Variants in PDLIM2 observed in about 807,000 individuals in gnomAD.
PDLIM2 encodes PDZ and LIM domain 2.
A neutral mutation model predicts 54.1 loss-of-function variants in PDLIM2; 51 were observed. The observed-to-expected ratio is 0.94, with a 90% CI of 0.75 to 1.19. PDLIM2 has a LOEUF of 1.19. Among genes scored for constraint, PDLIM2 ranks in the 50% most tolerant of loss-of-function variants. The pLI is 0.00. For missense variants in PDLIM2, 912 were observed against 874.0 expected, an observed-to-expected ratio of 1.04 and a Z score of -0.55; for synonymous variants, 398 against 385.6, an observed-to-expected ratio of 1.03 and a Z score of -0.38.
At chr8:22,584,075 C>T (rs1453476568) in intron 3 of PDLIM2, among the ~76,000 whole-genome samples, 1 of 151,882 alleles carries the variant, frequency 6.6e-6, no homozygotes, top group Non-Finnish European at 1.5e-5. Flanking sequence ...AATTTTGGCT[C>T]ACTGTAACCT....
chr8:22,579,172 C>A (rs1248636862), exon 1 of PDLIM2: 1 of 1,362,120 alleles, frequency 7.3e-7, no homozygotes, highest in South Asian at 1.8e-5. Flanking sequence ...GTCTCCCCGC[C>A]TTCCCTCCCT....
chr8:22,581,585 C>G, intron 3 of PDLIM2, 55 bp downstream of exon 2: 1 of 1,517,992 alleles, frequency 6.6e-7, no homozygotes, highest in East Asian at 2.3e-5. Context: ...CACCACCCCA[C>G]GTATTGAGCA....
downstream of PDLIM2, chr8:22,594,746 A>T (rs58580064): frequency 7.2e-3 from 10,765 of 1,488,758 alleles, 437 homozygotes; most frequent in African/African-American, 0.092. Flanking sequence ...CCTGGGAGAG[A>T]CTGCTGGCTT....
chr8:22,597,082 C>T (rs989280592), downstream of PDLIM2: 1 of 152,268 alleles, frequency 6.6e-6, no homozygotes, highest in South Asian at 2.1e-4. Flanking sequence ...TGCTTCCTCC[C>T]ACGGGTACTA....
intron 6 of PDLIM2, 73 bp downstream of exon 5, chr8:22,585,472 G>A (rs1563865907): frequency 1.3e-5 from 19 of 1,451,722 alleles, no homozygotes; most frequent in Admixed American, 8.0e-5. Flanking sequence ...CCAGTGCCCC[G>A]GGACTGCAGG....
exon 5 of PDLIM2, chr8:22,585,018 G>A: frequency 6.2e-7 from 1 of 1,613,762 alleles, no homozygotes. Flanking sequence ...TCTCCACAGG[G>A]CTCCGTGAGG....
At chr8:22,588,224 C>T (rs1276143062) in intron 6 of PDLIM2, 1 of 152,214 alleles carries the variant, frequency 6.6e-6, no homozygotes, top group South Asian at 2.1e-4. Flanking sequence ...ACTGGAGAAC[C>T]CTGAGAGCAG....
exon 10 of PDLIM2, chr8:22,593,744 T>C (rs1458120413): frequency 1.3e-6 from 2 of 1,589,930 alleles, no homozygotes; most frequent in Non-Finnish European, 1.7e-6. Flanking sequence ...AACCAGGCTG[T>C]GCGCATCCAG....
chr8:22,591,519 T>C (rs183105954), intron 8 of PDLIM2, 32 bp from the exon 8 acceptor site: 3 of 1,583,030 alleles, frequency 1.9e-6, no homozygotes, highest in Admixed American at 3.3e-5. Context: ...GTTGGTGGGC[T>C]CTCACCACAT....
At chr8:22,595,372 C>T (rs1800664597), downstream of PDLIM2, 1 of 152,212 alleles carries the variant, frequency 6.6e-6, no homozygotes, top group Non-Finnish European at 1.5e-5. Context: ...TGGTCAGAAA[C>T]GGGGTAGTCT....
At chr8:22,579,171 C>T (rs1196910478) in exon 1 of PDLIM2, 26 of 1,360,796 alleles carry the variant, frequency 1.9e-5, no homozygotes, top group Non-Finnish European at 2.4e-5. Context: ...CGTCTCCCCG[C>T]CTTCCCTCCC....
chr8:22,584,805 T>G lies in PDLIM2; in HGVS notation c.996-16T>G. 1 of 1,613,668 alleles carries G rather than the reference T, an allele frequency of 6.2e-7. No homozygotes were observed. Among genetic ancestry groups the G allele is most frequent in the Non-Finnish European group, 8.5e-7 (1 of 1,179,580 alleles). ...CAGGGCCCCTGTGACATTCCCTCCC[T>G]CTGTTGCCTTCTCAGGTCTCAGGCT... On this transcript the variant is annotated splice_polypyrimidine_tract_variant and intron_variant, in intron 3 of 9. Transcript: ENST00000308354.
In PDLIM2 at chr8:22,594,279, A is replaced by G; in HGVS notation, c.*369A>G. On this transcript the variant is annotated 3_prime_UTR_variant, in exon 10 of 10. Coordinates refer to ENST00000308354, the Ensembl canonical transcript of PDLIM2. ...TTTGACATACTAGCTCTATAAATAT[A>G]TGAATATGGACAAAATAAAGTAGAT... The G allele has an allele frequency of 2.2e-6, 3 of 1,393,948 alleles. No homozygotes were observed. In the South Asian group the frequency reaches 4.7e-5, roughly 22 times the overall value. 86.3% of individuals were successfully genotyped at this position (1,393,948 alleles called of 1,614,324 possible).
chr8:22,594,370 T>C, downstream of PDLIM2: 1 of 1,497,124 alleles, frequency 6.7e-7, no homozygotes, highest in Admixed American at 2.0e-5. Context: ...GGGTGGAGGG[T>C]CTTTATTTAT....
chr8:22,594,675 C>G (rs370782070), downstream of PDLIM2: 11 of 1,596,942 alleles, frequency 6.9e-6, no homozygotes, highest in African/African-American at 5.4e-5. Flanking sequence ...TGAGGACCGG[C>G]CGCCCACCAA....
chr8:22,579,382 G>A (rs1431309089), exon 1 of PDLIM2: 1 of 1,499,456 alleles, frequency 6.7e-7, no homozygotes, highest in East Asian at 2.8e-5. Flanking sequence ...CGCTCTCCCC[G>A]GCCGGAGCGC....
At chr8:22,592,757 T>A (rs958612837) in intron 9 of PDLIM2, 3 of 152,274 alleles carry the variant, frequency 2.0e-5, no homozygotes, top group Admixed American at 1.3e-4. Flanking sequence ...AATTCCCCAG[T>A]GATGCGGATG....
intron 2 of PDLIM2, chr8:22,581,171 T>G (rs1586918479): frequency 3.0e-6 from 2 of 661,420 alleles, no homozygotes; most frequent in East Asian, 5.5e-5. Context: ...GGAGGCCCAT[T>G]AGAATGCCAG....
At chr8:22,586,524 G>T (rs1407492924) in intron 6 of PDLIM2, among the ~76,000 whole-genome samples, 1 of 152,124 alleles carries the variant, frequency 6.6e-6, no homozygotes, top group Non-Finnish European at 1.5e-5. Context: ...TTTAGGGAAG[G>T]ATGAGCAGGA....
Sources: gnomAD v4.1 joint callset for allele counts (sites outside exome capture counted in the v4.1 genomes callset) on GRCh38, gnomAD v4.1.1 for gene constraint, MANE v1.5 for transcripts, NCBI Gene and HGNC (gene_info 2026-07-23, HGNC 2026-07-21) for gene names.